The following ATXN2 variants were observed in gnomAD, a reference collection of about 807,000 sequenced individuals.
The protein encoded by ATXN2 is ataxin 2.
A neutral mutation model predicts 138.6 loss-of-function variants in ATXN2; 37 were observed. That is an observed-to-expected ratio of 0.27 (90% CI 0.21 to 0.35). The LOEUF (loss-of-function observed/expected upper bound fraction) is 0.35. Ranked by LOEUF, ATXN2 falls within the 10% of genes least tolerant of loss-of-function variation. The probability of loss-of-function intolerance (pLI) is 1.00; values close to 1 mark genes in which losing one functional copy is unlikely to be tolerated. For synonymous variants in ATXN2, 549 were observed against 543.7 expected (o/e 1.01, Z -0.13); for missense variants, 1,216 against 1,480.3 (o/e 0.82, Z 2.93).
chr12:111,521,752 T>C (rs1187918991), intron 6 of ATXN2, among the ~76,000 whole-genome samples: 1 of 152,200 alleles, frequency 6.6e-6, no homozygotes, highest in African/African-American at 2.4e-5. Flanking sequence ...AAAGGGAGGC[T>C]GCCTTCTTTT....
intron 17 of ATXN2, 125 bp from the exon 18 acceptor site, chr12:111,485,456 A>T: frequency 9.7e-7 from 1 of 1,029,132 alleles, no homozygotes; most frequent in East Asian, 2.4e-5. Context: ...TCCATTAGTC[A>T]TTAAAAAATT....
At chr12:111,584,682 T>C (rs1487917122) in intron 1 of ATXN2, among the ~76,000 whole-genome samples, 1 of 151,736 alleles carries the variant, frequency 6.6e-6, no homozygotes, top group Non-Finnish European at 1.5e-5. Flanking sequence ...ATACAAAAAT[T>C]AGGCCGGGCA....
intron 1 of ATXN2, among the ~76,000 whole-genome samples, chr12:111,565,293 C>G (rs543761733): frequency 6.6e-6 from 1 of 152,142 alleles, no homozygotes; most frequent in African/African-American, 2.4e-5. Context: ...GTGGAAACCC[C>G]GAGTCGGGCA....
intron 11 of ATXN2, 123 bp from the exon 12 acceptor site, chr12:111,510,705 T>G (rs1278312789): frequency 1.2e-6 from 1 of 851,598 alleles, no homozygotes; most frequent in Non-Finnish European, 1.7e-6. Flanking sequence ...TTACCCTTTA[T>G]CCCATTACTG....
chr12:111,469,995 C>T, intron 20 of ATXN2, 113 bp downstream of exon 20: 1 of 1,256,072 alleles, frequency 8.0e-7, no homozygotes, highest in Non-Finnish European at 1.1e-6. Context: ...CCTTCAGATT[C>T]TTGACCCTCA....
intron 5 of ATXN2, among the ~76,000 whole-genome samples, chr12:111,528,067 A>AG (rs1250410445): frequency 6.6e-6 from 1 of 152,214 alleles, no homozygotes; most frequent in Non-Finnish European, 1.5e-5. Context: ...AAGAAGCAAC[A>AG]GGACTGTTCC....
chr12:111,562,109 C>T (rs536319015), intron 1 of ATXN2, among the ~76,000 whole-genome samples: 45 of 151,440 alleles, frequency 3.0e-4, no homozygotes, highest in African/African-American at 9.9e-4. Flanking sequence ...CTGCGCCCGG[C>T]CTCGAGACTC....
At chr12:111,549,491 G>A (rs764214915) in intron 5 of ATXN2, among the ~76,000 whole-genome samples, 31 of 149,266 alleles carry the variant, frequency 2.1e-4, no homozygotes, top group South Asian at 4.3e-4. Context: ...AGCCGAGATC[G>A]CACCACTGCA....
intron 5 of ATXN2, among the ~76,000 whole-genome samples, chr12:111,551,028 G>A (rs1396447045): frequency 6.6e-6 from 1 of 152,220 alleles, no homozygotes; most frequent in Non-Finnish European, 1.5e-5. Flanking sequence ...GCTGGGTGCA[G>A]TGGCTCATGC....
chr12:111,565,964 C>G (rs887317124), intron 1 of ATXN2, among the ~76,000 whole-genome samples: 5 of 151,354 alleles, frequency 3.3e-5, no homozygotes, highest in African/African-American at 1.2e-4. Flanking sequence ...CCACTGCACT[C>G]CACGCTGGGA....
At chr12:111,522,392 C>T (rs751691786) in intron 6 of ATXN2, among the ~76,000 whole-genome samples, 3 of 151,940 alleles carry the variant, frequency 2.0e-5, no homozygotes, top group Non-Finnish European at 2.9e-5. Context: ...AGGAGGATCA[C>T]GAAGTCAGGA....
rs1407251889 is a variant in ATXN2, at chr12:111,510,384, C to A, written c.1756+1G>T. 1 of 1,613,432 alleles carries A rather than the reference C, an allele frequency of 6.2e-7. No individual in the cohort carries two copies. Among genetic ancestry groups the A allele is most frequent in the Non-Finnish European group, 8.5e-7 (1 of 1,179,562 alleles). ...GGATCCAGAAGCCCTTTGTTACATA[C>A]CCTCACTAGAAGGGGTAACAGCTCT... On this transcript the variant is annotated splice_donor_variant, in intron 12 of 24. Transcript: ENST00000673436. LOFTEE classifies it high-confidence loss of function.
intron 5 of ATXN2, among the ~76,000 whole-genome samples, chr12:111,537,983 C>T (rs764606264): frequency 1.3e-5 from 2 of 151,802 alleles, no homozygotes; most frequent in African/African-American, 2.4e-5. Context: ...TCTGCAGTCC[C>T]AGCTTAATCA....
intron 1 of ATXN2, among the ~76,000 whole-genome samples, chr12:111,568,106 C>T (rs1883115910): frequency 1.3e-5 from 2 of 151,626 alleles, no homozygotes; most frequent in African/African-American, 2.4e-5. Flanking sequence ...AATAAAAATA[C>T]AAAAATTAGC....
At chr12:111,455,082 A>G in intron 23 of ATXN2, 3 of 703,028 alleles carry the variant, frequency 4.3e-6, no homozygotes, top group Non-Finnish European at 5.2e-6. Context: ...ACTGAGTCGC[A>G]TCTCTAGCCC....
intron 1 of ATXN2, among the ~76,000 whole-genome samples, chr12:111,578,233 G>A (rs1883791228): frequency 6.6e-6 from 1 of 152,050 alleles, no homozygotes; most frequent in South Asian, 2.1e-4. Flanking sequence ...TCAATTTAGT[G>A]TATCCTAACT....
chr12:111,457,464 C>T (rs1875198025), intron 21 of ATXN2, 105 bp from the exon 22 acceptor site: 1 of 1,289,026 alleles, frequency 7.8e-7, no homozygotes, highest in Non-Finnish European at 1.1e-6. Flanking sequence ...CAATGCATAA[C>T]TCACGCCACT....
At chr12:111,495,318 A>AAC in intron 14 of ATXN2, among the ~76,000 whole-genome samples, 1 of 151,914 alleles carries the variant, frequency 6.6e-6, no homozygotes, top group African/African-American at 2.4e-5. Flanking sequence ...CAAAAAAAAA[A>AAC]AAAAAAAAAC....
chr12:111,560,689 C>A (rs1882633351), intron 1 of ATXN2, among the ~76,000 whole-genome samples: 1 of 152,030 alleles, frequency 6.6e-6, no homozygotes, highest in African/African-American at 2.4e-5. Flanking sequence ...ACAACCACCA[C>A]CCCCAACCAT....
Sources: gnomAD v4.1 joint callset for allele counts (sites outside exome capture counted in the v4.1 genomes callset) on GRCh38, gnomAD v4.1.1 for gene constraint, MANE v1.5 for transcripts, NCBI Gene and HGNC (gene_info 2026-07-23, HGNC 2026-07-21) for gene names.